RGPD5: variants seen among roughly 807,000 people sequenced by gnomAD.
RGPD5 encodes RANBP2-like and GRIP domain-containing protein 5/6.
chr2:109,794,579 C>T (rs1200500293), intron 1 of RGPD5, 42 bp downstream of exon 1: 1 of 915,348 alleles, frequency 1.1e-6, no homozygotes, highest in African/African-American at 1.9e-5. Flanking sequence ...CTCGACCCGG[C>T]CGGGGGGCGG....
the RGPD5 span, among the ~76,000 whole-genome samples, chr2:109,767,330 G>C: frequency 6.7e-6 from 1 of 149,426 alleles, no homozygotes; most frequent in African/African-American, 2.5e-5. Flanking sequence ...TTTCTTAGTC[G>C]TGCATCATAG....
the RGPD5 span, among the ~76,000 whole-genome samples, chr2:109,762,350 C>A: frequency 6.7e-6 from 1 of 150,200 alleles, no homozygotes; most frequent in African/African-American, 2.4e-5. Context: ...TGGTTTCTGG[C>A]GCAAATTCAA....
chr2:109,799,324 T>A (rs1676937588), intron 1 of RGPD5, among the ~76,000 whole-genome samples: 1 of 90,016 alleles, frequency 1.1e-5, no homozygotes, highest in African/African-American at 5.6e-5. Context: ...TTGTTAAGAT[T>A]GCTATAGTTC....
chr2:109,765,260 G>A, the RGPD5 span, among the ~76,000 whole-genome samples: 2 of 144,634 alleles, frequency 1.4e-5, no homozygotes, highest in Admixed American at 1.5e-4. Flanking sequence ...ACAAATACAC[G>A]TTTAACACTG....
the RGPD5 span, among the ~76,000 whole-genome samples, chr2:109,767,580 G>GATT: frequency 1.3e-5 from 2 of 148,220 alleles, no homozygotes; most frequent in East Asian, 4.2e-4. Flanking sequence ...CCCAATCCAA[G>GATT]GAACTAAATG....
the RGPD5 span, among the ~76,000 whole-genome samples, chr2:109,774,505 T>TATATATATATATAAAAA: frequency 6.2e-5 from 2 of 32,092 alleles, 1 homozygote; most frequent in Non-Finnish European, 9.1e-5. Context: ...CAAACATATA[T>TATATATATATATAAAAA]ATATATATAA....
At chr2:109,764,626 C>G in the RGPD5 span, among the ~76,000 whole-genome samples, 8 of 148,296 alleles carry the variant, frequency 5.4e-5, no homozygotes, top group African/African-American at 1.7e-4. Context: ...GAAAAGAGAC[C>G]ATATTTGGGA....
chr2:109,766,050 GC>G, the RGPD5 span, among the ~76,000 whole-genome samples: 1 of 150,070 alleles, frequency 6.7e-6, no homozygotes, highest in Non-Finnish European at 1.5e-5. Flanking sequence ...ACCTGTCTGA[GC>G]CCCAGGTGTC....
At chr2:109,773,171 G>A in the RGPD5 span, among the ~76,000 whole-genome samples, 2 of 151,836 alleles carry the variant, frequency 1.3e-5, no homozygotes, top group South Asian at 2.1e-4. Flanking sequence ...TGTCTAGGAC[G>A]GAGGAGGAGA....
the RGPD5 span, among the ~76,000 whole-genome samples, chr2:109,777,139 C>CT: frequency 1.8e-5 from 2 of 110,776 alleles, 1 homozygote; most frequent in African/African-American, 6.6e-5. Flanking sequence ...GAAAGGAAAG[C>CT]TTTGTCATTC....
chr2:109,799,148 G>A (rs1676924958), intron 1 of RGPD5, among the ~76,000 whole-genome samples: 1 of 51,944 alleles, frequency 1.9e-5, no homozygotes, highest in Non-Finnish European at 3.2e-5. Flanking sequence ...TGCGCCTGTA[G>A]TCCCAGCTTG....
At chr2:109,760,699 C>T in the RGPD5 span, among the ~76,000 whole-genome samples, 2 of 145,792 alleles carry the variant, frequency 1.4e-5, no homozygotes, top group South Asian at 2.2e-4. Context: ...GCGGCGGCGG[C>T]GACGCTGACA....
At chr2:109,760,655 G>A in the RGPD5 span, among the ~76,000 whole-genome samples, 2 of 144,208 alleles carry the variant, frequency 1.4e-5, no homozygotes, top group South Asian at 4.4e-4. Context: ...GTCGCAGCGC[G>A]CGGGCGGCCC....
At chr2:109,767,131 G>A in the RGPD5 span, among the ~76,000 whole-genome samples, 1 of 142,620 alleles carries the variant, frequency 7.0e-6, no homozygotes, top group African/African-American at 2.6e-5. Context: ...AGTAATAAAA[G>A]TGTCAATTGC....
At chr2:109,766,567 C>G in the RGPD5 span, among the ~76,000 whole-genome samples, 1 of 150,496 alleles carries the variant, frequency 6.6e-6, no homozygotes, top group Non-Finnish European at 1.5e-5. Context: ...TCCAGATTCT[C>G]TTTTGTGAAA....
chr2:109,770,120 C>T, the RGPD5 span, among the ~76,000 whole-genome samples: 2 of 102,802 alleles, frequency 1.9e-5, 1 homozygote, highest in Non-Finnish European at 3.7e-5. Context: ...TCCCAAGAAG[C>T]GACATTCAGG....
chr2:109,764,610 G>A, the RGPD5 span, among the ~76,000 whole-genome samples: 1 of 149,154 alleles, frequency 6.7e-6, no homozygotes, highest in Admixed American at 6.9e-5. Context: ...CAACACTGGT[G>A]ATTCAGAAAA....
At chr2:109,761,276 C>T in the RGPD5 span, among the ~76,000 whole-genome samples, 3 of 147,412 alleles carry the variant, frequency 2.0e-5, no homozygotes, top group Admixed American at 6.8e-5. Flanking sequence ...CTCTCCCACC[C>T]ACTTCCACCG....
chr2:109,760,681 CGGCGGT>C, the RGPD5 span, among the ~76,000 whole-genome samples: 1 of 145,230 alleles, frequency 6.9e-6, no homozygotes, highest in Non-Finnish European at 1.5e-5. Context: ...TCGGCGGCGG[CGGCGGT>C]AGCGGCGGCG....
Sources: allele counts gnomAD v4.1 joint callset (sites outside exome capture counted in the v4.1 genomes callset), GRCh38; gene constraint gnomAD v4.1.1; transcripts MANE v1.5; gene names NCBI Gene and HGNC (gene_info 2026-07-23, HGNC 2026-07-21).